The following CCDC149 variants were observed in gnomAD, a reference collection of about 807,000 sequenced individuals.
The protein encoded by CCDC149 is coiled-coil domain-containing protein 149.
A neutral mutation model predicts 59.9 loss-of-function variants in CCDC149; 45 were observed. That is an observed-to-expected ratio of 0.75 (90% confidence interval 0.59 to 0.96). The LOEUF is 0.96. Among genes scored for constraint, CCDC149 ranks in the 40% least tolerant of loss-of-function variants. The pLI is 0.00. For missense variants in CCDC149, 584 were observed against 664.7 expected, an observed-to-expected ratio of 0.88 and a Z score of 1.33; for synonymous variants, 245 against 260.6, an observed-to-expected ratio of 0.94 and a Z score of 0.58.
At chr4:24,933,610 G>A (rs1310646462) in intron 1 of CCDC149, among the ~76,000 whole-genome samples, 1 of 152,168 alleles carries the variant, frequency 6.6e-6, no homozygotes. Flanking sequence ...GAATACTGTG[G>A]TGAACAAGAC....
intron 1 of CCDC149, among the ~76,000 whole-genome samples, chr4:24,888,488 C>A (rs533599077): frequency 1.1e-3 from 163 of 152,260 alleles, no homozygotes; most frequent in South Asian, 7.9e-3. Context: ...CTTAAAAGGA[C>A]CACTTCCCTG....
At chr4:24,849,905 A>G (rs116888490) in intron 4 of CCDC149, among the ~76,000 whole-genome samples, 1 of 152,192 alleles carries the variant, frequency 6.6e-6, no homozygotes, top group Non-Finnish European at 1.5e-5. Context: ...ACAGACTTCA[A>G]CCAGTCAAGG....
At chr4:24,868,426 T>A (rs1449768656) in intron 3 of CCDC149, among the ~76,000 whole-genome samples, 3 of 152,332 alleles carry the variant, frequency 2.0e-5, no homozygotes, top group South Asian at 4.1e-4. Context: ...CTCCTAGAGC[T>A]ATTTCCCCAC....
chr4:24,957,938 T>C (rs969791115), intron 1 of CCDC149, among the ~76,000 whole-genome samples: 7 of 152,174 alleles, frequency 4.6e-5, no homozygotes, highest in African/African-American at 1.7e-4. Context: ...GTATAGTATC[T>C]TCATATAGTA....
At chr4:24,866,848 C>T (rs1484652074) in intron 3 of CCDC149, among the ~76,000 whole-genome samples, 1 of 141,470 alleles carries the variant, frequency 7.1e-6, no homozygotes, top group Non-Finnish European at 1.5e-5. Context: ...CACACACGTG[C>T]ATATATATTG....
intron 1 of CCDC149, among the ~76,000 whole-genome samples, chr4:24,889,330 C>G (rs1415730348): frequency 1.3e-5 from 2 of 152,114 alleles, no homozygotes; most frequent in African/African-American, 4.8e-5. Flanking sequence ...GCTAGGAAAC[C>G]ACCTCTCACT....
At chr4:24,850,729 C>CA (rs201972846) in intron 4 of CCDC149, among the ~76,000 whole-genome samples, 67 of 151,624 alleles carry the variant, frequency 4.4e-4, no homozygotes, top group African/African-American at 4.1e-4. Flanking sequence ...ATAATTAATT[C>CA]AAAAAAAATT....
chr4:24,936,721 GA>G (rs76633039), intron 1 of CCDC149, among the ~76,000 whole-genome samples: 14,996 of 152,124 alleles, frequency 0.099, 1,330 homozygotes, highest in East Asian at 0.29. Context: ...GGGCAGTGGG[GA>G]TGTTACCACT....
chr4:24,943,950 C>T lies in CCDC149; in HGVS notation c.-65+36119G>A, dbSNP rs189122158. Among the ~76,000 whole-genome samples, 639 of 152,150 alleles carry T rather than the reference C, an allele frequency of 4.2e-3. 3 individuals are homozygous for T. Among genetic ancestry groups the T allele is most frequent in the African/African-American group, 0.012 (518 of 41,518 alleles). On this transcript the variant is annotated intron_variant, in intron 1 of 12. Transcript: ENST00000389609. ...AATAGGAACACTTTTACACTGTTGG[C>T]GGGACTGTAAACTAGTTCAACCATT...
At chr4:24,898,283 A>G (rs1227281336) in intron 1 of CCDC149, among the ~76,000 whole-genome samples, 2 of 152,236 alleles carry the variant, frequency 1.3e-5, no homozygotes, top group Admixed American at 1.3e-4. Flanking sequence ...CTTAACCGAG[A>G]GACACAGGTA....
chr4:24,835,169 A>G, intron 7 of CCDC149, 137 bp from the exon 8 acceptor site: 1 of 573,030 alleles, frequency 1.7e-6, no homozygotes, highest in South Asian at 2.7e-5. Flanking sequence ...TAGAATTCCA[A>G]GTCTACGCCC....
At chr4:24,881,265 A>C (rs577045553) in intron 1 of CCDC149, among the ~76,000 whole-genome samples, 1 of 152,224 alleles carries the variant, frequency 6.6e-6, no homozygotes, top group Non-Finnish European at 1.5e-5. Context: ...CCTTCCAGGC[A>C]TGTGGCAGGA....
intron 1 of CCDC149, among the ~76,000 whole-genome samples, chr4:24,906,112 C>A (rs749114484): frequency 6.6e-6 from 1 of 152,202 alleles, no homozygotes; most frequent in Non-Finnish European, 1.5e-5. Flanking sequence ...AAGAAAGAGA[C>A]ACAAATGTCT....
At chr4:24,913,490 T>G (rs1267013992), upstream of CCDC149, among the ~76,000 whole-genome samples, 16 of 152,156 alleles carry the variant, frequency 1.1e-4, no homozygotes, top group Admixed American at 1.0e-3. Context: ...CTTAGCATTG[T>G]TTTTTAAACT....
At chr4:24,809,260 A>G (rs1381011737) in intron 12 of CCDC149, among the ~76,000 whole-genome samples, 1 of 152,096 alleles carries the variant, frequency 6.6e-6, no homozygotes, top group Non-Finnish European at 1.5e-5. Context: ...GGAAGGATTT[A>G]GTGCCACCCC....
At chr4:24,854,824 G>A (rs1717899355) in intron 3 of CCDC149, among the ~76,000 whole-genome samples, 3 of 152,196 alleles carry the variant, frequency 2.0e-5, no homozygotes, top group African/African-American at 4.8e-5. Flanking sequence ...CTATTTCAGT[G>A]CCAGGGCCCT....
At chr4:24,879,347 C>G (rs1176372475) in intron 1 of CCDC149, among the ~76,000 whole-genome samples, 1 of 151,862 alleles carries the variant, frequency 6.6e-6, no homozygotes, top group African/African-American at 2.4e-5. Context: ...GCAAAACCCC[C>G]TCTCTACTAA....
In CCDC149 at chr4:24,964,192, T is replaced by TAAAAAAAA. The variant is rs377278394; in HGVS notation, c.-65+15869_-65+15876dup. On this transcript the variant is annotated intron_variant, in intron 1 of 12. Coordinates refer to the CCDC149 transcript ENST00000389609. ...CTGGGCAACAGAGTGAGACCCTATC[T>TAAAAAAAA]AAAAAAAAAAAAAAAAAAAGAGCCA... 2.8e-3 allele frequency among the ~76,000 whole-genome samples: 339 copies of TAAAAAAAA among 119,042 alleles called. 1 individual carries two copies. Among genetic ancestry groups the TAAAAAAAA allele is most frequent in the African/African-American group, 6.5e-3 (194 of 29,698 alleles). The allele number at this position is 119,042 out of a possible 152,430, so 78.1% of individuals were successfully genotyped here.
chr4:24,843,550 C>T (rs1273203200), intron 4 of CCDC149, among the ~76,000 whole-genome samples: 1 of 152,198 alleles, frequency 6.6e-6, no homozygotes, highest in Non-Finnish European at 1.5e-5. Context: ...ATTGTGTACA[C>T]CAGAGTCCAA....
Sources: gnomAD v4.1 joint callset for allele counts (sites outside exome capture counted in the v4.1 genomes callset) on GRCh38, gnomAD v4.1.1 for gene constraint, MANE v1.5 for transcripts, NCBI Gene and HGNC (gene_info 2026-07-23, HGNC 2026-07-21) for gene names.